Variants in SRGAP3 observed in about 807,000 individuals in gnomAD.
SRGAP3 encodes the protein SLIT-ROBO Rho GTPase activating protein 3.
Under a neutral mutation model 121.1 loss-of-function variants are expected in SRGAP3, and 39 were observed. That is an observed-to-expected ratio of 0.32 (90% CI 0.25 to 0.42). The LOEUF (loss-of-function observed/expected upper bound fraction) is 0.42. Among genes scored for constraint, SRGAP3 ranks in the 10% least tolerant of loss-of-function variants. The pLI is 1.00. For synonymous variants in SRGAP3, 601 were observed against 570.0 expected, an observed-to-expected ratio of 1.05 and a Z score of -0.77; for missense variants, 1,213 against 1,470.6, an observed-to-expected ratio of 0.82 and a Z score of 2.86.
chr3:9,154,567 A>G (rs545814317), intron 1 of SRGAP3, among the ~76,000 whole-genome samples: 11 of 152,278 alleles, frequency 7.2e-5, no homozygotes, highest in African/African-American at 2.6e-4. Flanking sequence ...AATTCCCAGT[A>G]TAAGCACCAA....
At chr3:9,028,164 G>GAGAAAA (rs748000647) in intron 12 of SRGAP3, 2 of 1,613,840 alleles carry the variant, frequency 1.2e-6, no homozygotes, top group Non-Finnish European at 1.7e-6. Flanking sequence ...AGCAGAGCAG[G>GAGAAAA]AGAAAAAGAA....
intron 3 of SRGAP3, among the ~76,000 whole-genome samples, chr3:9,308,482 T>G (rs1303249108): frequency 6.6e-6 from 1 of 152,210 alleles, no homozygotes; most frequent in Non-Finnish European, 1.5e-5. Flanking sequence ...GCCTGCCAGA[T>G]CTTTTTATGA....
At chr3:9,201,030 C>G (rs184999825) in intron 1 of SRGAP3, among the ~76,000 whole-genome samples, 158 of 152,326 alleles carry the variant, frequency 1.0e-3, no homozygotes, top group African/African-American at 3.7e-3. Flanking sequence ...CTCCCTCAAG[C>G]CAATTCCAGA....
intron 1 of SRGAP3, among the ~76,000 whole-genome samples, chr3:9,174,615 G>T (rs373881640): frequency 1.3e-5 from 2 of 152,152 alleles, no homozygotes; most frequent in South Asian, 4.1e-4. Flanking sequence ...CAGCAAAGAC[G>T]CACAGGCGGG....
At chr3:9,361,825 C>A (rs184526487) in intron 1 of SRGAP3, among the ~76,000 whole-genome samples, 1 of 152,252 alleles carries the variant, frequency 6.6e-6, no homozygotes, top group Admixed American at 6.5e-5. Context: ...GTGGTTCTGG[C>A]CAGTCGACAG....
At chr3:9,008,704 C>T (rs1273894000) in intron 18 of SRGAP3, among the ~76,000 whole-genome samples, 1 of 152,178 alleles carries the variant, frequency 6.6e-6, no homozygotes, top group Non-Finnish European at 1.5e-5. Flanking sequence ...TTCAGGATGA[C>T]TTTAGCCTCT....
Position 8,982,990 on chromosome 3 carries a change from A to G in SRGAP3, c.*2529T>C, listed in dbSNP as rs1941499539. 3 of 228,922 alleles carry G rather than the reference A, an allele frequency of 1.3e-5. No homozygotes were observed. Among genetic ancestry groups the G allele is most frequent in the South Asian group, 1.8e-4 (1 of 5,500 alleles). The allele number at this position is 228,922 out of a possible 1,614,324, so 14.2% of individuals were successfully genotyped here. On this transcript the variant is annotated 3_prime_UTR_variant, in exon 22 of 22. Transcript: ENST00000383836. ...CGGTCTGATTGGTGTTATGTATATC[A>G]GGCAACAGATTTTTCTACTCTGATT... is the stretch of plus-strand genomic sequence containing the variant.
At chr3:9,058,715 T>A in intron 6 of SRGAP3, 3 of 31,698 alleles carry the variant, frequency 9.5e-5, no homozygotes, top group Non-Finnish European at 3.4e-4. Flanking sequence ...TCTCTCTCTC[T>A]TTTTTTTTTT....
At chr3:9,229,203 G>A (rs1488511342) in intron 1 of SRGAP3, among the ~76,000 whole-genome samples, 1 of 152,124 alleles carries the variant, frequency 6.6e-6, no homozygotes, top group Non-Finnish European at 1.5e-5. Context: ...ATACAGTCAT[G>A]AACCAAAATT....
chr3:9,011,620 C>A (rs759345810), intron 17 of SRGAP3, among the ~76,000 whole-genome samples: 1 of 152,232 alleles, frequency 6.6e-6, no homozygotes, highest in African/African-American at 2.4e-5. Context: ...TTCCCTAGAT[C>A]GGCTCAGGGA....
At chr3:9,151,440 T>G (rs1015971249) in intron 1 of SRGAP3, among the ~76,000 whole-genome samples, 12 of 152,142 alleles carry the variant, frequency 7.9e-5, no homozygotes, top group African/African-American at 2.9e-4. Context: ...AGGTTGAACT[T>G]TGTCCTGAAG....
intron 2 of SRGAP3, among the ~76,000 whole-genome samples, chr3:9,106,502 A>G (rs575890247): frequency 4.6e-5 from 7 of 152,208 alleles, no homozygotes; most frequent in African/African-American, 1.7e-4. Context: ...AAGGCAATTG[A>G]TATAGTTTGG....
chr3:9,168,134 A>G (rs1249589851), intron 1 of SRGAP3, among the ~76,000 whole-genome samples: 1 of 152,236 alleles, frequency 6.6e-6, no homozygotes, highest in Non-Finnish European at 1.5e-5. Context: ...AAGTGGCAGC[A>G]TGTCTTTGTC....
chr3:9,246,172 C>T (rs886366858), intron 1 of SRGAP3, among the ~76,000 whole-genome samples: 4 of 152,132 alleles, frequency 2.6e-5, no homozygotes, highest in African/African-American at 9.7e-5. Flanking sequence ...TTGAAAAAGA[C>T]ATAAAAGGGA....
chr3:9,360,361 A>G (rs555141945), intron 1 of SRGAP3, among the ~76,000 whole-genome samples: 1 of 152,364 alleles, frequency 6.6e-6, no homozygotes, highest in African/African-American at 2.4e-5. Flanking sequence ...TAAGTTAAAA[A>G]TGCATTATAA....
chr3:9,013,168 T>C, intron 17 of SRGAP3, 140 bp downstream of exon 17: 1 of 813,156 alleles, frequency 1.2e-6, no homozygotes, highest in Non-Finnish European at 2.0e-6. Context: ...CATGTGAAGC[T>C]GCTGTGAAGC....
chr3:9,314,632 G>GCCTGCCCTCCTCTCCCCAC (rs539368498), intron 3 of SRGAP3, among the ~76,000 whole-genome samples: 1,799 of 146,340 alleles, frequency 0.012, 27 homozygotes, highest in African/African-American at 0.039. Flanking sequence ...TATGTGTCCA[G>GCCTGCCCTCCTCTCCCCAC]CCTGCCCTCC....
chr3:9,238,293 A>G (rs145828629), intron 1 of SRGAP3, among the ~76,000 whole-genome samples: 2 of 152,262 alleles, frequency 1.3e-5, no homozygotes, highest in Middle Eastern at 3.4e-3. Context: ...CTTTTCTCCA[A>G]ATTTTCTTGA....
chr3:9,040,382 A>C (rs895306045), intron 10 of SRGAP3, among the ~76,000 whole-genome samples: 1 of 152,172 alleles, frequency 6.6e-6, no homozygotes, highest in African/African-American at 2.4e-5. Context: ...GCTCTGCTAC[A>C]GATGCAGAGG....
Sources: gnomAD v4.1 joint callset for allele counts (sites outside exome capture counted in the v4.1 genomes callset) on GRCh38, gnomAD v4.1.1 for gene constraint, MANE v1.5 for transcripts, NCBI Gene and HGNC (gene_info 2026-07-23, HGNC 2026-07-21) for gene names.